The following HACD2 variants were observed in gnomAD, a reference collection of about 807,000 sequenced individuals.
HACD2 encodes 3-hydroxyacyl-CoA dehydratase 2.
HACD2 carries 15 observed loss-of-function variants against 31.0 expected under a neutral mutation model. The ratio of observed to expected loss-of-function variants is 0.48; its 90% CI spans 0.32 to 0.75. HACD2 has a LOEUF of 0.75. Among genes scored for constraint, HACD2 ranks in the 30% least tolerant of loss-of-function variants. HACD2 has a pLI of 0.03. For synonymous variants in HACD2, 115 were observed against 122.2 expected, an observed-to-expected ratio of 0.94 and a Z score of 0.39; for missense variants, 283 against 313.0, an observed-to-expected ratio of 0.90 and a Z score of 0.72.
chr3:123,528,496 A>G, intron 3 of HACD2, 22 bp from the exon 4 acceptor site: 1 of 1,369,986 alleles, frequency 7.3e-7, no homozygotes, highest in Middle Eastern at 1.8e-4. Context: ...TTTGGGATGG[A>G]TAAATAAATG....
chr3:123,557,487 A>G (rs1255020221), intron 3 of HACD2, among the ~76,000 whole-genome samples: 1 of 152,094 alleles, frequency 6.6e-6, no homozygotes, highest in African/African-American at 2.4e-5. Flanking sequence ...AAAATTAAAA[A>G]AATTAGCTGG....
At chr3:123,523,620 C>T (rs2056245086) in intron 4 of HACD2, among the ~76,000 whole-genome samples, 1 of 152,220 alleles carries the variant, frequency 6.6e-6, no homozygotes, top group Non-Finnish European at 1.5e-5. Context: ...TTCTAGAATA[C>T]TGAGTTCTAA....
intron 2 of HACD2, among the ~76,000 whole-genome samples, chr3:123,573,171 T>C (rs570399320): frequency 6.2e-4 from 95 of 152,366 alleles, no homozygotes; most frequent in African/African-American, 2.0e-3. Context: ...TCTACACATA[T>C]ATGATTTCAT....
At chr3:123,572,151 G>A (rs576756082) in intron 2 of HACD2, among the ~76,000 whole-genome samples, 1 of 152,240 alleles carries the variant, frequency 6.6e-6, no homozygotes, top group East Asian at 1.9e-4. Flanking sequence ...CACTGGATAA[G>A]AATAAGCACA....
At chr3:123,504,907 G>T (rs1399461031) in intron 4 of HACD2, among the ~76,000 whole-genome samples, 2 of 151,884 alleles carry the variant, frequency 1.3e-5, no homozygotes, top group African/African-American at 4.8e-5. Flanking sequence ...CTTAAAACCA[G>T]CATGATCAAT....
rs371209149 is a variant in HACD2, at chr3:123,519,052, G to A, written c.381+9334C>T. On this transcript the variant is annotated intron_variant, in intron 4 of 6. Transcript: ENST00000383657. Reference sequence around the variant, plus strand: ...CAAGAGGAAGTGAGAGGGAGAAGGTGCCAAAACCTGTCCTGCTAAAAAACA... The same window carrying A: ...CAAGAGGAAGTGAGAGGGAGAAGGTACCAAAACCTGTCCTGCTAAAAAACA... Among the ~76,000 whole-genome samples, 42 of 147,324 alleles carry A rather than the reference G, an allele frequency of 2.9e-4. 1 individual carries two copies. In the East Asian group the frequency reaches 3.6e-3, roughly 12 times the overall value.
At position 123,534,798 on chromosome 3, in the gene HACD2, T is replaced by TTGTGTGTGTGTGTGTGTGTG. The variant is rs71142740; in HGVS notation, c.293-6325_293-6324insCACACACACACACACACACA. 6.0e-3 allele frequency among the ~76,000 whole-genome samples: 901 copies of TTGTGTGTGTGTGTGTGTGTG among 149,184 alleles called. 9 individuals carry two copies. Among genetic ancestry groups the TTGTGTGTGTGTGTGTGTGTG allele is most frequent in the African/African-American group, 0.017 (698 of 40,564 alleles). Reference sequence around the variant, plus strand: ...ATCCTGTCCCTATGTAGACGTAGGCTTGTGTGTGTGTGTGTCTTAGTTTTT... The same window carrying TTGTGTGTGTGTGTGTGTGTG: ...ATCCTGTCCCTATGTAGACGTAGGCTTGTGTGTGTGTGTGTGTGTGTGTGTGTGTGTGTGTCTTAGTTTTT... On this transcript the variant is annotated intron_variant, in intron 3 of 6. Transcript: ENST00000383657.
At chr3:123,505,751 T>G (rs2055966988) in intron 4 of HACD2, among the ~76,000 whole-genome samples, 1 of 152,190 alleles carries the variant, frequency 6.6e-6, no homozygotes, top group Non-Finnish European at 1.5e-5. Flanking sequence ...GAGCTGACTT[T>G]GGAAAAGGAA....
chr3:123,567,590 G>T (rs1464315488), intron 3 of HACD2, among the ~76,000 whole-genome samples, 172 bp downstream of exon 3: 2 of 152,170 alleles, frequency 1.3e-5, no homozygotes, highest in African/African-American at 4.8e-5. Flanking sequence ...CATCTAAATA[G>T]TACCTATGAT....
intron 3 of HACD2, among the ~76,000 whole-genome samples, chr3:123,552,643 C>T (rs1324131903): frequency 3.3e-5 from 5 of 152,038 alleles, no homozygotes; most frequent in Admixed American, 3.3e-4. Context: ...GAAACTTTAA[C>T]ACAATAACCC....
chr3:123,529,005 CCT>C (rs2056318733), intron 3 of HACD2, among the ~76,000 whole-genome samples: 1 of 43,874 alleles, frequency 2.3e-5, no homozygotes, highest in Non-Finnish European at 8.8e-5. Context: ...ATCTTTAAAA[CCT>C]TTTTTTTTTT....
At position 123,491,756 on chromosome 3, in the gene HACD2, CTT is replaced by C. The variant is rs1467030607; in HGVS notation, c.*3130_*3131del. On this transcript the variant is annotated 3_prime_UTR_variant, in exon 7 of 7. Coordinates refer to ENST00000383657, the MANE Select transcript of HACD2 (RefSeq NM_198402.5). ...TTATATAATTTTAGTGAATCAAAGACTTATAAAATTACAATTTTGGTTTTCAC... is the reference window on the plus strand; with the variant it reads ...TTATATAATTTTAGTGAATCAAAGACATAAAATTACAATTTTGGTTTTCAC... 1 of 152,482 alleles carries C rather than the reference CTT, an allele frequency of 6.6e-6. No individual in the cohort carries two copies. Among genetic ancestry groups the C allele is most frequent in the Non-Finnish European group, 1.5e-5 (1 of 67,996 alleles). 9.4% of individuals were successfully genotyped at this position (152,482 alleles called of 1,614,324 possible).
chr3:123,582,015 G>T (rs1034740901), intron 2 of HACD2, among the ~76,000 whole-genome samples, 197 bp downstream of exon 2: 8 of 152,022 alleles, frequency 5.3e-5, no homozygotes, highest in African/African-American at 1.9e-4. Context: ...ATACATTCAA[G>T]GTAACCTAAG....
chr3:123,505,948 C>A (rs138765540), intron 4 of HACD2, among the ~76,000 whole-genome samples: 1 of 152,302 alleles, frequency 6.6e-6, no homozygotes, highest in East Asian at 1.9e-4. Flanking sequence ...CTGGACATAT[C>A]CAAACCAGGA....
chr3:123,549,217 C>T (rs1357673357), intron 3 of HACD2, among the ~76,000 whole-genome samples: 1 of 151,920 alleles, frequency 6.6e-6, no homozygotes, highest in Non-Finnish European at 1.5e-5. Flanking sequence ...ATTCCACCTC[C>T]AAAAATCTAT....
At chr3:123,578,588 T>G (rs192692701) in intron 2 of HACD2, among the ~76,000 whole-genome samples, 1 of 152,316 alleles carries the variant, frequency 6.6e-6, no homozygotes, top group Non-Finnish European at 1.5e-5. Flanking sequence ...CTTTTGTACC[T>G]TGCTACTACA....
In HACD2 at chr3:123,501,833, C is replaced by T. The variant is rs192650869; in HGVS notation, c.503+727G>A. On this transcript the variant is annotated intron_variant, in intron 5 of 6. Coordinates refer to ENST00000383657, the MANE Select transcript of HACD2 (RefSeq NM_198402.5). ...CCATACTCAAAATGTTGGAAACAAT[C>T]GGATTATGTCCCTAATTTAATTACT... Among the ~76,000 whole-genome samples, 189 of 152,244 alleles carry T rather than the reference C, an allele frequency of 1.2e-3. 4 individuals carry two copies. The highest frequency in any genetic ancestry group is 2.9e-4 in the Non-Finnish European group (20 of 68,018).
chr3:123,520,027 T>C (rs1342068569), intron 4 of HACD2, among the ~76,000 whole-genome samples: 1 of 152,176 alleles, frequency 6.6e-6, no homozygotes, highest in Non-Finnish European at 1.5e-5. Flanking sequence ...TAAAATGGTT[T>C]CCAACAAAGG....
intron 1 of HACD2, among the ~76,000 whole-genome samples, chr3:123,583,909 G>C (rs984017774): frequency 6.6e-6 from 1 of 152,108 alleles, no homozygotes; most frequent in Non-Finnish European, 1.5e-5. Flanking sequence ...AATAAAAATG[G>C]ATGTTCACTA....
Sources: allele counts gnomAD v4.1 joint callset (sites outside exome capture counted in the v4.1 genomes callset), GRCh38; gene constraint gnomAD v4.1.1; transcripts MANE v1.5; gene names NCBI Gene and HGNC (gene_info 2026-07-23, HGNC 2026-07-21).